Variants in HECW1 observed in about 807,000 individuals in gnomAD.
HECW1 encodes E3 ubiquitin-protein ligase HECW1.
HECW1 carries 61 observed loss-of-function variants against 182.3 expected under a neutral mutation model. The ratio of observed to expected loss-of-function variants is 0.33; its 90% CI spans 0.27 to 0.41. HECW1 has a LOEUF of 0.41. Among genes scored for constraint, HECW1 ranks in the 10% least tolerant of loss-of-function variants. HECW1 has a pLI of 1.00. For missense variants in HECW1, 1,739 were observed against 2,108.9 expected (o/e 0.82, Z 3.44); for synonymous variants, 859 against 832.6 (o/e 1.03, Z -0.55).
chr7:43,208,704 C>T (rs376642905), intron 2 of HECW1, among the ~76,000 whole-genome samples: 81 of 152,360 alleles, frequency 5.3e-4, no homozygotes, highest in African/African-American at 1.9e-3. Context: ...CTAGGACATG[C>T]TCCTCTTAGG....
intron 3 of HECW1, among the ~76,000 whole-genome samples, chr7:43,296,105 G>A (rs574574705): frequency 2.0e-5 from 3 of 152,214 alleles, no homozygotes; most frequent in East Asian, 1.9e-4. Flanking sequence ...AAATAATTTT[G>A]TGATATATTT....
At chr7:43,536,625 A>C (rs141644199) in intron 24 of HECW1, among the ~76,000 whole-genome samples, 236 of 152,286 alleles carry the variant, frequency 1.5e-3, no homozygotes, top group African/African-American at 5.4e-3. Flanking sequence ...CTGAGCAGGG[A>C]CCTGGGGGCC....
intron 5 of HECW1, among the ~76,000 whole-genome samples, chr7:43,336,108 TTC>T: frequency 9.1e-6 from 1 of 110,188 alleles, no homozygotes; most frequent in Non-Finnish European, 1.9e-5. Flanking sequence ...TCTTTCTTCT[TTC>T]TTTCTTTCTT....
Position 43,562,580 on chromosome 7 carries a change from A to AGCAAG in HECW1, c.*655_*659dup. The AGCAAG allele has an allele frequency of 4.4e-6, 1 of 228,514 alleles. No individual in the cohort carries two copies. The highest frequency in any genetic ancestry group is 8.7e-6 in the Non-Finnish European group (1 of 114,788). The allele number at this position is 228,514 out of a possible 1,614,324, so 14.2% of individuals were successfully genotyped here. On this transcript the variant is annotated 3_prime_UTR_variant, in exon 30 of 30. Coordinates refer to ENST00000395891, the MANE Select transcript of HECW1 (RefSeq NM_015052.5). Reference sequence around the variant, plus strand: ...TATGACACTTCTAACGATTAACAACAGCAAGAAAACACCTGCTGCTGATGC... The same window carrying AGCAAG: ...TATGACACTTCTAACGATTAACAACAGCAAGGCAAGAAAACACCTGCTGCTGATGC...
At chr7:43,350,495 C>T (rs1010432881) in intron 5 of HECW1, among the ~76,000 whole-genome samples, 1 of 152,180 alleles carries the variant, frequency 6.6e-6, no homozygotes, top group South Asian at 2.1e-4. Flanking sequence ...TCAGGAATAT[C>T]GTTTATATTT....
chr7:43,221,023 C>A (rs959625542), intron 2 of HECW1, among the ~76,000 whole-genome samples: 2 of 152,204 alleles, frequency 1.3e-5, no homozygotes, highest in Non-Finnish European at 2.9e-5. Context: ...GCATTTAGTG[C>A]CTACCTCTGC....
chr7:43,503,846 A>C (rs1191081396), intron 21 of HECW1, among the ~76,000 whole-genome samples: 1 of 152,228 alleles, frequency 6.6e-6, no homozygotes, highest in Non-Finnish European at 1.5e-5. Context: ...ATCATAATTA[A>C]TAAAATATAC....
chr7:43,532,898 G>A (rs1294541653), intron 24 of HECW1, among the ~76,000 whole-genome samples: 2 of 152,208 alleles, frequency 1.3e-5, no homozygotes, highest in Non-Finnish European at 2.9e-5. Context: ...CAAAGCCTTA[G>A]GGGTAAGACC....
chr7:43,409,487 A>T lies in HECW1; in HGVS notation c.801+1756A>T, dbSNP rs535244074. On this transcript the variant is annotated intron_variant, in intron 8 of 29. Coordinates refer to ENST00000395891, the MANE Select transcript of HECW1 (RefSeq NM_015052.5). Reference sequence around the variant, plus strand: ...TTTAAGTGTCAGGGAATGTTTGGAAAATCCAGCACTATCAGAATGTTTTTT... The same window carrying T: ...TTTAAGTGTCAGGGAATGTTTGGAATATCCAGCACTATCAGAATGTTTTTT... Among the ~76,000 whole-genome samples the T allele has an allele frequency of 4.6e-5, 7 of 152,322 alleles. No individual in the cohort carries two copies. The South Asian group carries it at 1.5e-3, about 32-fold the overall frequency.
chr7:43,274,132 G>A, intron 3 of HECW1: 1 of 402,778 alleles, frequency 2.5e-6, no homozygotes, highest in South Asian at 8.1e-5. Flanking sequence ...GAAAAGCGCG[G>A]GTGGCGGCAG....
At chr7:43,466,381 C>T (rs1428044826) in intron 14 of HECW1, 66 bp from the exon 15 acceptor site, 18 of 1,543,630 alleles carry the variant, frequency 1.2e-5, no homozygotes, top group African/African-American at 1.4e-5. Context: ...CTGTCAGGAG[C>T]GAAGTACAGA....
At chr7:43,421,730 A>G (rs2076189425) in intron 8 of HECW1, among the ~76,000 whole-genome samples, 2 of 152,192 alleles carry the variant, frequency 1.3e-5, no homozygotes, top group South Asian at 4.1e-4. Flanking sequence ...GTGTGATACC[A>G]CTGCACACTC....
At chr7:43,264,737 C>T (rs1378202909) in intron 3 of HECW1, among the ~76,000 whole-genome samples, 1 of 150,864 alleles carries the variant, frequency 6.6e-6, no homozygotes, top group African/African-American at 2.4e-5. Flanking sequence ...TCAGTTACTC[C>T]GGTGGCTGAG....
intron 29 of HECW1, 93 bp downstream of exon 29, chr7:43,554,883 A>G: frequency 1.7e-6 from 2 of 1,156,328 alleles, no homozygotes; most frequent in Non-Finnish European, 2.5e-6. Flanking sequence ...TTTGGGATGG[A>G]ATTCTTTCCT....
intron 8 of HECW1, among the ~76,000 whole-genome samples, chr7:43,408,333 T>C (rs1472231538): frequency 6.6e-6 from 1 of 152,080 alleles, no homozygotes; most frequent in Non-Finnish European, 1.5e-5. Flanking sequence ...CCTTCTCCAC[T>C]CCTGAAAGTG....
chr7:43,481,513 T>C (rs2078432978), intron 17 of HECW1, among the ~76,000 whole-genome samples: 1 of 152,182 alleles, frequency 6.6e-6, no homozygotes, highest in Non-Finnish European at 1.5e-5. Context: ...AATGTAAATA[T>C]TTAAAACCTT....
At chr7:43,343,267 CT>C (rs11362924) in intron 5 of HECW1, among the ~76,000 whole-genome samples, 108,545 of 146,288 alleles carry the variant, frequency 0.74, 41,169 homozygotes, top group Middle Eastern at 0.84. Flanking sequence ...CAACAGTATT[CT>C]TTTTTTTTTT....
At chr7:43,425,252 TAC>T (rs1298245010) in intron 8 of HECW1, among the ~76,000 whole-genome samples, 1 of 149,020 alleles carries the variant, frequency 6.7e-6, no homozygotes, top group East Asian at 2.0e-4. Context: ...CACACACGTG[TAC>T]ATATATGCAG....
intron 3 of HECW1, among the ~76,000 whole-genome samples, chr7:43,246,924 C>T (rs762054204): frequency 6.6e-6 from 1 of 152,130 alleles, no homozygotes; most frequent in Non-Finnish European, 1.5e-5. Flanking sequence ...GGCTAGACCC[C>T]TGCATCCCCA....
Sources: gnomAD v4.1 joint callset for allele counts (sites outside exome capture counted in the v4.1 genomes callset) on GRCh38, gnomAD v4.1.1 for gene constraint, MANE v1.5 for transcripts, NCBI Gene and HGNC (gene_info 2026-07-23, HGNC 2026-07-21) for gene names.